Variants in KLHL1 observed in about 807,000 individuals in gnomAD.
The protein encoded by KLHL1 is kelch like family member 1.
KLHL1 carries 47 observed loss-of-function variants against 77.7 expected under a neutral mutation model. That is an observed-to-expected ratio of 0.60 (90% CI 0.48 to 0.77). The LOEUF is 0.77. Ranked by LOEUF, KLHL1 falls within the 30% of genes least tolerant of loss-of-function variation. KLHL1 has a pLI of 0.00. For missense variants in KLHL1, 925 were observed against 910.8 expected (o/e 1.02, Z -0.20); for synonymous variants, 360 against 325.2 (o/e 1.11, Z -1.15).
At chr13:69,861,678 A>T (rs1269379910) in intron 5 of KLHL1, among the ~76,000 whole-genome samples, 1 of 150,464 alleles carries the variant, frequency 6.6e-6, no homozygotes, top group Non-Finnish European at 1.5e-5. Context: ...AGCCTGGCGC[A>T]GTGGCTCACG....
chr13:69,870,815 C>T (rs951883843), intron 5 of KLHL1, among the ~76,000 whole-genome samples: 1 of 151,886 alleles, frequency 6.6e-6, no homozygotes, highest in Non-Finnish European at 1.5e-5. Flanking sequence ...AACTCTATGT[C>T]CGGCACCTGG....
At chr13:69,867,541 G>A (rs1880409722) in intron 5 of KLHL1, among the ~76,000 whole-genome samples, 1 of 151,836 alleles carries the variant, frequency 6.6e-6, no homozygotes, top group African/African-American at 2.4e-5. Flanking sequence ...TCAGTCAGTT[G>A]ACACTTGATA....
intron 4 of KLHL1, among the ~76,000 whole-genome samples, chr13:69,896,963 C>A (rs1881669193): frequency 6.6e-6 from 1 of 152,058 alleles, no homozygotes; most frequent in South Asian, 2.1e-4. Context: ...AGCCACTGTG[C>A]CCGGCCTGTT....
At chr13:69,901,378 T>C (rs953917995) in intron 4 of KLHL1, among the ~76,000 whole-genome samples, 1 of 152,186 alleles carries the variant, frequency 6.6e-6, no homozygotes, top group Non-Finnish European at 1.5e-5. Context: ...TACTAAGGAC[T>C]AGAGTAGGTA....
intron 7 of KLHL1, among the ~76,000 whole-genome samples, chr13:69,764,403 C>T (rs1240646610): frequency 1.3e-5 from 2 of 152,064 alleles, no homozygotes; most frequent in Non-Finnish European, 2.9e-5. Context: ...AAGGGAGGCC[C>T]AATTTTCAAA....
intron 9 of KLHL1, among the ~76,000 whole-genome samples, chr13:69,717,113 T>A (rs535569804): frequency 1.3e-5 from 2 of 152,296 alleles, no homozygotes; most frequent in South Asian, 4.1e-4. Context: ...AAACATTATA[T>A]AACTGTATTT....
intron 5 of KLHL1, among the ~76,000 whole-genome samples, chr13:69,865,890 ATTTAT>A (rs1156690654): frequency 6.6e-6 from 1 of 152,128 alleles, no homozygotes; most frequent in East Asian, 1.9e-4. Context: ...TTCAGGCGTA[ATTTAT>A]TTATCTGCCC....
intron 4 of KLHL1, among the ~76,000 whole-genome samples, chr13:69,926,577 C>A (rs1882820413): frequency 6.6e-6 from 1 of 151,940 alleles, no homozygotes; most frequent in Non-Finnish European, 1.5e-5. Flanking sequence ...TGGCTATTTG[C>A]AGAAATTGGC....
intron 3 of KLHL1, among the ~76,000 whole-genome samples, chr13:69,940,792 CA>C (rs374717086): frequency 0.041 from 2,742 of 67,538 alleles, 49 homozygotes; most frequent in African/African-American, 0.079. Context: ...ATCTTAAAGG[CA>C]AAAAAAAAAA....
chr13:69,869,950 A>G (rs1314262823), intron 5 of KLHL1, among the ~76,000 whole-genome samples: 1 of 152,200 alleles, frequency 6.6e-6, no homozygotes, highest in East Asian at 1.9e-4. Context: ...ACAAGAGATA[A>G]TTTATTTGTC....
chr13:69,788,060 G>C (rs1456647113), intron 7 of KLHL1, among the ~76,000 whole-genome samples: 1 of 152,230 alleles, frequency 6.6e-6, no homozygotes, highest in Admixed American at 6.5e-5. Context: ...TACACTGTTG[G>C]TGGGACTGTA....
rs1175600288 is a variant in KLHL1, at chr13:69,845,088, T to C, written c.1228-5926A>G. Among the ~76,000 whole-genome samples, 4 of 151,646 alleles carry C rather than the reference T, an allele frequency of 2.6e-5. 1 individual carries two copies. The highest frequency in any genetic ancestry group is 4.1e-4 in the South Asian group (2 of 4,820). Reference sequence around the variant, plus strand: ...TGTGCACACTAATCCTAAGCTATTATGATATAAACTGTACATAAGCCCCAC... The same window carrying C: ...TGTGCACACTAATCCTAAGCTATTACGATATAAACTGTACATAAGCCCCAC... On this transcript the variant is annotated intron_variant, in intron 5 of 10. Coordinates refer to ENST00000377844, the MANE Select transcript of KLHL1 (RefSeq NM_020866.3).
intron 3 of KLHL1, among the ~76,000 whole-genome samples, chr13:69,944,942 C>T (rs1229702037): frequency 6.7e-6 from 1 of 148,598 alleles, no homozygotes; most frequent in East Asian, 2.0e-4. Context: ...CAAAATGGAT[C>T]ACGAAGCTAA....
chr13:69,777,967 A>G (rs766709714), intron 7 of KLHL1, among the ~76,000 whole-genome samples: 38 of 151,988 alleles, frequency 2.5e-4, no homozygotes, highest in Non-Finnish European at 5.0e-4. Context: ...TTTTAACTTG[A>G]CTACTTCTAC....
rs117251871 is a variant in KLHL1, at chr13:69,701,418, C to G, written c.*284G>C. On this transcript the variant is annotated 3_prime_UTR_variant, in exon 11 of 11. Transcript: ENST00000377844. ...TTTCAACTGCTCAAGAAAAAACAAG[C>G]CTTTGGTAACTCTAGTTATTGTATG... 212 of 269,902 alleles carry G rather than the reference C, an allele frequency of 7.9e-4. No individual in the cohort carries two copies. The highest frequency in any genetic ancestry group is 1.3e-3 in the Non-Finnish European group (189 of 144,486). 16.7% of individuals were successfully genotyped at this position (269,902 alleles called of 1,614,324 possible).
intron 5 of KLHL1, among the ~76,000 whole-genome samples, chr13:69,841,678 T>C (rs968086230): frequency 6.6e-6 from 1 of 151,842 alleles, no homozygotes; most frequent in Non-Finnish European, 1.5e-5. Flanking sequence ...ATTACCAAAG[T>C]CATTTTTTCA....
At chr13:69,813,200 C>A (rs1196091777) in intron 6 of KLHL1, among the ~76,000 whole-genome samples, 1 of 151,944 alleles carries the variant, frequency 6.6e-6, no homozygotes, top group Admixed American at 6.6e-5. Flanking sequence ...TGGAAACCAT[C>A]ATTCTCAGCA....
At chr13:69,985,683 C>A (rs1272230415) in intron 1 of KLHL1, among the ~76,000 whole-genome samples, 1 of 150,250 alleles carries the variant, frequency 6.7e-6, no homozygotes, top group Non-Finnish European at 1.5e-5. Context: ...CATCTGCAAC[C>A]CCATTTTATT....
intron 1 of KLHL1, among the ~76,000 whole-genome samples, chr13:70,034,962 T>C (rs948759051): frequency 6.6e-6 from 1 of 152,140 alleles, no homozygotes; most frequent in Admixed American, 6.6e-5. Flanking sequence ...AAATCCATTG[T>C]ACAATTTAAA....
Sources: allele counts gnomAD v4.1 joint callset (sites outside exome capture counted in the v4.1 genomes callset), GRCh38; gene constraint gnomAD v4.1.1; transcripts MANE v1.5; gene names NCBI Gene and HGNC (gene_info 2026-07-23, HGNC 2026-07-21).